RAD51B: variants seen among roughly 807,000 people sequenced by gnomAD.
RAD51B encodes DNA repair protein RAD51 homolog 2.
Under a neutral mutation model 42.2 loss-of-function variants are expected in RAD51B, and 38 were observed. The ratio of observed to expected loss-of-function variants is 0.90; its 90% CI spans 0.70 to 1.18. RAD51B has a LOEUF of 1.18. Among genes scored for constraint, RAD51B ranks in the 50% most tolerant of loss-of-function variants. The pLI, the probability that RAD51B is intolerant of heterozygous loss-of-function variation, is 0.00. For missense variants in RAD51B, 373 were observed against 400.7 expected (o/e 0.93, Z 0.59); for synonymous variants, 154 against 145.2 (o/e 1.06, Z -0.43).
In RAD51B at chr14:68,473,609, GA is replaced by G. The variant is rs200362055; in HGVS notation, c.1037-4031del. Among the ~76,000 whole-genome samples the G allele has an allele frequency of 5.0e-3, 754 of 151,584 alleles. 8 individuals are homozygous for G. The highest frequency in any genetic ancestry group is 0.017 in the African/African-American group (697 of 41,368). The stretch of plus-strand genomic sequence containing the variant: ...TATTTGGAAATATTTTATAATATAT[GA>G]AAAAAAATTTTAAATACAGAACAGT... On this transcript the variant is annotated intron_variant, in intron 10 of 10. Coordinates refer to ENST00000471583, the MANE Select transcript of RAD51B (RefSeq NM_133510.4).
chr14:68,485,385 T>A (rs1883545005), intron 10 of RAD51B, among the ~76,000 whole-genome samples: 1 of 152,172 alleles, frequency 6.6e-6, no homozygotes, highest in Non-Finnish European at 1.5e-5. Flanking sequence ...CTGTTGAGAT[T>A]TATTTAAGAA....
intron 10 of RAD51B, among the ~76,000 whole-genome samples, chr14:68,584,641 C>T (rs1890369546): frequency 6.6e-6 from 1 of 152,200 alleles, no homozygotes; most frequent in Admixed American, 6.5e-5. Flanking sequence ...ATCCAAATCG[C>T]TTTCGTCCTT....
chr14:68,248,534 C>CT (rs566246454), intron 7 of RAD51B, among the ~76,000 whole-genome samples: 453 of 148,854 alleles, frequency 3.0e-3, no homozygotes, highest in Non-Finnish European at 5.0e-3. Context: ...CTAACATAGC[C>CT]TTTTTTTTTT....
chr14:67,891,490 G>T (rs1166260886), intron 7 of RAD51B, among the ~76,000 whole-genome samples: 2 of 151,978 alleles, frequency 1.3e-5, no homozygotes, highest in Middle Eastern at 3.4e-3. Context: ...TTTAAATTTT[G>T]CTATTTTAAA....
intron 7 of RAD51B, among the ~76,000 whole-genome samples, chr14:68,259,619 G>A (rs1461771836): frequency 6.6e-6 from 1 of 152,042 alleles, no homozygotes; most frequent in Non-Finnish European, 1.5e-5. Context: ...TAAAGCCAGT[G>A]GTAATCTGCC....
chr14:68,004,905 T>C (rs2075555201), intron 7 of RAD51B, among the ~76,000 whole-genome samples: 3 of 152,108 alleles, frequency 2.0e-5, no homozygotes, highest in Admixed American at 2.0e-4. Flanking sequence ...CTGTAGTGTA[T>C]TTGTGAGATT....
At chr14:68,393,369 G>A (rs947908792) in intron 8 of RAD51B, among the ~76,000 whole-genome samples, 12 of 152,174 alleles carry the variant, frequency 7.9e-5, no homozygotes, top group Non-Finnish European at 5.9e-5. Flanking sequence ...GATTCAGCCC[G>A]GAGTTTCAAT....
chr14:67,999,672 TA>T (rs1244439874), intron 7 of RAD51B, among the ~76,000 whole-genome samples: 1 of 152,218 alleles, frequency 6.6e-6, no homozygotes, highest in Admixed American at 6.5e-5. Flanking sequence ...AAGGTTAAAT[TA>T]AAATTCTTTT....
At chr14:68,401,111 G>A (rs2084092517) in intron 8 of RAD51B, among the ~76,000 whole-genome samples, 1 of 152,180 alleles carries the variant, frequency 6.6e-6, no homozygotes, top group African/African-American at 2.4e-5. Context: ...TGCAGACACA[G>A]CAGAGAATCC....
intron 7 of RAD51B, among the ~76,000 whole-genome samples, chr14:68,146,721 A>G (rs1305536252): frequency 5.3e-5 from 8 of 152,204 alleles, no homozygotes; most frequent in Non-Finnish European, 7.3e-5. Flanking sequence ...TTTGAGGCTC[A>G]TATAATTTGG....
chr14:68,358,705 G>T (rs2082957643), intron 8 of RAD51B, among the ~76,000 whole-genome samples: 1 of 152,182 alleles, frequency 6.6e-6, no homozygotes, highest in Non-Finnish European at 1.5e-5. Flanking sequence ...AAAACTCTAG[G>T]AAGGTTATGG....
At chr14:68,439,455 C>G (rs890729027) in intron 9 of RAD51B, among the ~76,000 whole-genome samples, 1 of 152,176 alleles carries the variant, frequency 6.6e-6, no homozygotes, top group African/African-American at 2.4e-5. Flanking sequence ...ATTGAATGCT[C>G]TCTCTTGAAC....
At chr14:68,426,022 TTCTTTCTC>T (rs1246553138) in intron 9 of RAD51B, among the ~76,000 whole-genome samples, 33 of 149,700 alleles carry the variant, frequency 2.2e-4, no homozygotes, top group Middle Eastern at 7.0e-3. Context: ...CTTTCTTTCT[TTCTTTCTC>T]TCTTTCTTTC....
intron 9 of RAD51B, among the ~76,000 whole-genome samples, chr14:68,463,981 A>G (rs1594875415): frequency 6.6e-6 from 1 of 152,224 alleles, no homozygotes; most frequent in African/African-American, 2.4e-5. Context: ...ATATTGAACT[A>G]TAGTTAACCA....
At position 67,852,237 on chromosome 14, in the gene RAD51B, G is replaced by A. The variant is rs540747114; in HGVS notation, c.316-12766G>A. ...CCAGGCCAGTGGCCTTGCCTGGCAA[G>A]GAACAGCAGAGGCAGGGCCTGCAGT... On this transcript the variant is annotated intron_variant, in intron 4 of 10. Transcript: ENST00000471583. Among the ~76,000 whole-genome samples the A allele has an allele frequency of 2.6e-5, 4 of 152,342 alleles. No individual in the cohort carries two copies. In the East Asian group the frequency reaches 7.7e-4, roughly 29 times the overall value.
chr14:68,306,579 AC>A (rs3837659), intron 8 of RAD51B: 287,860 of 505,772 alleles, frequency 0.57, 87,373 homozygotes, highest in South Asian at 0.64. Context: ...ATATCTTTTG[AC>A]CAATTTGCAT....
chr14:67,914,488 A>T (rs2044088089), intron 7 of RAD51B, among the ~76,000 whole-genome samples: 1 of 152,188 alleles, frequency 6.6e-6, no homozygotes, highest in Non-Finnish European at 1.5e-5. Flanking sequence ...GCTGATGGAT[A>T]CTTAGGTTGT....
chr14:68,086,633 A>G (rs1206910518), intron 7 of RAD51B, among the ~76,000 whole-genome samples: 1 of 152,140 alleles, frequency 6.6e-6, no homozygotes. Flanking sequence ...ATAGAGGTTG[A>G]TACGAGAGTG....
At chr14:68,055,589 A>G (rs553260664) in intron 7 of RAD51B, among the ~76,000 whole-genome samples, 3 of 152,312 alleles carry the variant, frequency 2.0e-5, no homozygotes, top group Admixed American at 2.0e-4. Flanking sequence ...ATCTTGTGCC[A>G]TGTAACAAAT....
Sources: allele counts gnomAD v4.1 joint callset (sites outside exome capture counted in the v4.1 genomes callset), GRCh38; gene constraint gnomAD v4.1.1; transcripts MANE v1.5; gene names NCBI Gene and HGNC (gene_info 2026-07-23, HGNC 2026-07-21).